Variants in GRID1 observed in about 807,000 individuals in gnomAD.
GRID1 encodes the protein glutamate receptor ionotropic, delta-1.
Under a neutral mutation model 98.0 loss-of-function variants are expected in GRID1, and 28 were observed. The observed-to-expected ratio is 0.29, with a 90% CI of 0.21 to 0.39. GRID1 has a LOEUF of 0.39. GRID1 is among the 10% of genes least tolerant of loss of function. The pLI is 1.00. For synonymous variants in GRID1, 553 were observed against 538.5 expected, an observed-to-expected ratio of 1.03 and a Z score of -0.37; for missense variants, 1,111 against 1,340.5, an observed-to-expected ratio of 0.83 and a Z score of 2.67.
intron 4 of GRID1, among the ~76,000 whole-genome samples, chr10:86,126,233 A>G (rs1370971217): frequency 2.0e-5 from 3 of 152,116 alleles, no homozygotes; most frequent in African/African-American, 7.2e-5. Context: ...AGGCGGGTGG[A>G]TCATGAGGTC....
At chr10:85,781,166 G>A (rs1461362679) in intron 8 of GRID1, among the ~76,000 whole-genome samples, 1 of 152,192 alleles carries the variant, frequency 6.6e-6, no homozygotes, top group African/African-American at 2.4e-5. Flanking sequence ...TTAAAAGCTG[G>A]CATTTGAATC....
rs920377235 is a variant in GRID1 at position 86,177,037 on chromosome 10, C to T, written c.520+29327G>A. On this transcript the variant is annotated intron_variant, in intron 3 of 15. Transcript: ENST00000327946. ...GAGACAGCCCCAGGCATGCACGGTACAGTTTCCACCGTATCACTGTCTGGT... is the reference window on the plus strand; with the variant it reads ...GAGACAGCCCCAGGCATGCACGGTATAGTTTCCACCGTATCACTGTCTGGT... Among the ~76,000 whole-genome samples, 11 of 152,042 alleles carry T rather than the reference C, an allele frequency of 7.2e-5. No individual in the cohort carries two copies. In the East Asian group the frequency reaches 1.9e-3, roughly 27 times the overall value.
chr10:85,671,709 T>G (rs897007417), intron 12 of GRID1, among the ~76,000 whole-genome samples: 1 of 152,236 alleles, frequency 6.6e-6, no homozygotes, highest in Non-Finnish European at 1.5e-5. Flanking sequence ...GAGGAAGGGA[T>G]GTTGAAAGCC....
chr10:86,317,164 G>T (rs969179847), intron 2 of GRID1, among the ~76,000 whole-genome samples: 3 of 152,168 alleles, frequency 2.0e-5, no homozygotes, highest in Non-Finnish European at 4.4e-5. Flanking sequence ...CTGGGCATCT[G>T]CTCAGAGCTT....
intron 4 of GRID1, among the ~76,000 whole-genome samples, chr10:85,946,748 T>C (rs1032826129): frequency 1.3e-5 from 2 of 152,086 alleles, no homozygotes; most frequent in Admixed American, 1.3e-4. Context: ...TTTTGCACTG[T>C]GATGCCAACA....
chr10:85,920,761 G>A (rs1004234746), intron 4 of GRID1, among the ~76,000 whole-genome samples: 8 of 152,186 alleles, frequency 5.3e-5, no homozygotes, highest in East Asian at 1.9e-4. Context: ...TCCTGTGGGC[G>A]GGGAGGGAAG....
At chr10:85,779,263 C>T (rs1275883811) in intron 8 of GRID1, among the ~76,000 whole-genome samples, 2 of 152,138 alleles carry the variant, frequency 1.3e-5, no homozygotes, top group Non-Finnish European at 2.9e-5. Flanking sequence ...ACATAAAGCA[C>T]ATCAAATGGG....
chr10:85,705,387 A>T (rs531537114), intron 12 of GRID1, among the ~76,000 whole-genome samples: 48 of 152,198 alleles, frequency 3.2e-4, no homozygotes, highest in African/African-American at 8.7e-4. Flanking sequence ...CGAAACATAC[A>T]CTCTCCCAAG....
At chr10:86,032,360 C>T (rs548523049) in intron 4 of GRID1, among the ~76,000 whole-genome samples, 74 of 152,058 alleles carry the variant, frequency 4.9e-4, no homozygotes, top group African/African-American at 1.6e-3. Flanking sequence ...GCCATGATGA[C>T]GATGGCAGTT....
chr10:85,727,597 C>T (rs1165857849), intron 10 of GRID1, among the ~76,000 whole-genome samples: 1 of 152,050 alleles, frequency 6.6e-6, no homozygotes, highest in Non-Finnish European at 1.5e-5. Context: ...ACAGAGTAGG[C>T]ACAGTGGATG....
chr10:86,004,481 TA>T (rs1226288366), intron 4 of GRID1, among the ~76,000 whole-genome samples: 1 of 152,158 alleles, frequency 6.6e-6, no homozygotes, highest in Non-Finnish European at 1.5e-5. Context: ...TGACTTTGAG[TA>T]AAGCAGATTG....
intron 8 of GRID1, among the ~76,000 whole-genome samples, chr10:85,784,938 T>C (rs1405905227): frequency 2.0e-5 from 3 of 152,210 alleles, no homozygotes; most frequent in Non-Finnish European, 1.5e-5. Flanking sequence ...CCCATGGCCA[T>C]GTGACTGAGT....
chr10:86,241,539 TC>T (rs1378537144), intron 2 of GRID1, among the ~76,000 whole-genome samples: 1 of 151,958 alleles, frequency 6.6e-6, no homozygotes, highest in Admixed American at 6.6e-5. Flanking sequence ...TAAGCAGAAC[TC>T]CCCCCCACCG....
intron 3 of GRID1, among the ~76,000 whole-genome samples, chr10:86,150,047 G>A (rs1845141842): frequency 6.6e-6 from 1 of 152,192 alleles, no homozygotes; most frequent in Non-Finnish European, 1.5e-5. Flanking sequence ...TCACTTACGA[G>A]GTATTTGGTA....
At chr10:86,068,381 G>C (rs928275668) in intron 4 of GRID1, among the ~76,000 whole-genome samples, 2 of 152,128 alleles carry the variant, frequency 1.3e-5, no homozygotes, top group African/African-American at 4.8e-5. Context: ...AGACCAGCAG[G>C]GAGAGAGAAA....
chr10:85,980,944 G>A (rs753617637), intron 4 of GRID1, among the ~76,000 whole-genome samples: 5 of 152,214 alleles, frequency 3.3e-5, no homozygotes, highest in Non-Finnish European at 5.9e-5. Context: ...TGTCTAGATT[G>A]ATGCTGGTCA....
At chr10:86,032,696 G>T (rs375480639) in intron 4 of GRID1, among the ~76,000 whole-genome samples, 2 of 151,898 alleles carry the variant, frequency 1.3e-5, no homozygotes, top group Non-Finnish European at 2.9e-5. Context: ...GCGGAAGGCC[G>T]CAGGGTCCTC....
At chr10:86,222,614 C>A (rs567191417) in intron 2 of GRID1, among the ~76,000 whole-genome samples, 8 of 152,292 alleles carry the variant, frequency 5.3e-5, no homozygotes, top group Admixed American at 4.6e-4. Flanking sequence ...CCAGGAGAGG[C>A]AGCCTGGCAA....
chr10:85,885,287 T>C (rs1207048107), intron 5 of GRID1, among the ~76,000 whole-genome samples: 1 of 152,174 alleles, frequency 6.6e-6, no homozygotes, highest in Non-Finnish European at 1.5e-5. Flanking sequence ...CTTTTTATAG[T>C]GTGCACTAAG....
Sources: gnomAD v4.1 joint callset for allele counts (sites outside exome capture counted in the v4.1 genomes callset) on GRCh38, gnomAD v4.1.1 for gene constraint, MANE v1.5 for transcripts, NCBI Gene and HGNC (gene_info 2026-07-23, HGNC 2026-07-21) for gene names.